The following SYNPO2 variants were observed in gnomAD, a reference collection of about 807,000 sequenced individuals.
SYNPO2 encodes synaptopodin 2, also known as synaptopodin-2.
In SYNPO2, 56 loss-of-function variants were observed where a neutral mutation model predicts 85.0. The observed-to-expected ratio is 0.66, with a 90% CI of 0.53 to 0.82. The LOEUF (loss-of-function observed/expected upper bound fraction) is 0.82. Among genes scored for constraint, SYNPO2 ranks in the 40% least tolerant of loss-of-function variants. The pLI is 0.00. For synonymous variants in SYNPO2, 602 were observed against 591.1 expected, an observed-to-expected ratio of 1.02 and a Z score of -0.27; for missense variants, 1,575 against 1,534.2, an observed-to-expected ratio of 1.03 and a Z score of -0.44.
rs1731551759 is a variant in SYNPO2 at position 118,858,551 on chromosome 4, GAC to G, written c.12+7615_12+7616del. On this transcript the variant is annotated intron_variant, in intron 1 of 4. Transcript: ENST00000610556. ...TGCCACTCCAGGATGTAGGCCTAAA[GAC>G]ACAGAACAACAGGGGTAAATCAGAG... Among the ~76,000 whole-genome samples the G allele has an allele frequency of 4.6e-5, 7 of 152,206 alleles. No individual in the cohort carries two copies. In the South Asian group the frequency reaches 1.5e-3, roughly 32 times the overall value.
intron 4 of SYNPO2, among the ~76,000 whole-genome samples, chr4:119,053,509 A>G (rs746388597): frequency 1.3e-5 from 2 of 152,068 alleles, no homozygotes; most frequent in South Asian, 2.1e-4. Flanking sequence ...CTGCTGTTAC[A>G]TTTGTCATAT....
intron 4 of SYNPO2, chr4:119,038,612 C>A: frequency 1.1e-6 from 1 of 946,080 alleles, no homozygotes; most frequent in Non-Finnish European, 1.3e-6. Flanking sequence ...GCATGGCTTG[C>A]TACTAAACCA....
intron 2 of SYNPO2, among the ~76,000 whole-genome samples, chr4:119,026,075 C>T (rs1322074616): frequency 6.6e-6 from 1 of 152,180 alleles, no homozygotes; most frequent in African/African-American, 2.4e-5. Context: ...CGCAAGAGTA[C>T]TGGGCTGGGT....
At chr4:118,998,441 G>A (rs574098416) in intron 1 of SYNPO2, among the ~76,000 whole-genome samples, 7 of 152,274 alleles carry the variant, frequency 4.6e-5, no homozygotes, top group African/African-American at 1.4e-4. Flanking sequence ...AATTAATCAT[G>A]AAAACTTTAA....
At chr4:118,903,270 A>G (rs1732819527) in intron 1 of SYNPO2, among the ~76,000 whole-genome samples, 1 of 152,226 alleles carries the variant, frequency 6.6e-6, no homozygotes, top group Non-Finnish European at 1.5e-5. Flanking sequence ...CAGGCACAGT[A>G]AAACATAATA....
In SYNPO2 at chr4:119,028,222, G is replaced by T. The variant is rs1287125484; in HGVS notation, c.1069+784G>T. 8.9e-4 allele frequency among the ~76,000 whole-genome samples: 120 copies of T among 135,456 alleles called. 1 individual carries two copies. Among genetic ancestry groups the T allele is most frequent in the African/African-American group, 2.5e-3 (94 of 36,944 alleles). The allele number at this position is 135,456 out of a possible 152,430, so 88.9% of individuals were successfully genotyped here. A position where few individuals can be genotyped will look rare whatever the true frequency, so the allele number is the denominator to read the frequency against. ...TTTTATTTCACGTTTATTTTTGTTT[G>T]TTTTTTTTTTTTTTTTTACTAATTT... On this transcript the variant is annotated intron_variant, in intron 3 of 4. Transcript: ENST00000307142.
chr4:118,962,422 G>A (rs1026449838), intron 1 of SYNPO2, among the ~76,000 whole-genome samples: 7 of 152,028 alleles, frequency 4.6e-5, no homozygotes, highest in African/African-American at 1.7e-4. Context: ...TAGCGATAAC[G>A]GGTACCTACA....
intron 1 of SYNPO2, among the ~76,000 whole-genome samples, chr4:118,911,484 T>C (rs191912475): frequency 6.6e-6 from 1 of 152,224 alleles, no homozygotes; most frequent in Admixed American, 6.5e-5. Context: ...GCAGCTGGAG[T>C]GGAAATACCA....
chr4:118,876,396 C>T (rs142821280), intron 1 of SYNPO2, among the ~76,000 whole-genome samples: 142 of 152,286 alleles, frequency 9.3e-4, no homozygotes, highest in African/African-American at 3.2e-3. Context: ...ACTCCCATCG[C>T]GCTCTGCCAT....
At position 119,031,372 on chromosome 4, in the gene SYNPO2, C is replaced by T. The variant is rs745975778; in HGVS notation, c.2597C>T (p.Pro866Leu). 19 of 1,614,008 alleles carry T rather than the reference C, an allele frequency of 1.2e-5. No homozygotes were observed. In the Middle Eastern group the frequency reaches 4.9e-4, roughly 42 times the overall value. ...PGAVGPSNEL[P>L]GMSGRGAQLF... Reference sequence around the variant, plus strand: ...GCAGTGGGACCATCCAATGAGCTTCCAGGAATGAGTGGGAGAGGAGCTCAG... The same window carrying T: ...GCAGTGGGACCATCCAATGAGCTTCTAGGAATGAGTGGGAGAGGAGCTCAG... The change falls in exon 4 of 5, where the codon CCA becomes CTA. Residue 866 changes from proline to leucine, a missense_variant. Pro to Leu is a moderately conservative substitution (Grantham distance 98). Around this residue, in one of 3 missense-constraint regions of SYNPO2, gnomAD observed 1,508 missense variants for 1,446.8 expected, o/e 1.04. Coordinates refer to ENST00000307142, the MANE Select transcript of SYNPO2 (RefSeq NM_133477.3).
At chr4:118,869,749 A>G (rs1731769421) in intron 1 of SYNPO2, among the ~76,000 whole-genome samples, 2 of 152,214 alleles carry the variant, frequency 1.3e-5, no homozygotes, top group Admixed American at 1.3e-4. Context: ...TTTGTCAGCA[A>G]ATATTTTTGA....
intron 3 of SYNPO2, among the ~76,000 whole-genome samples, chr4:119,029,354 A>G (rs1433614470): frequency 6.6e-6 from 1 of 152,178 alleles, no homozygotes. Flanking sequence ...ACATTAAAAC[A>G]TTTAGAAAAT....
At chr4:118,996,835 T>C (rs921664094) in intron 1 of SYNPO2, among the ~76,000 whole-genome samples, 141 of 127,380 alleles carry the variant, frequency 1.1e-3, no homozygotes, top group East Asian at 4.2e-3. Context: ...CCAGCCTGGG[T>C]GACAGAGTGA....
chr4:119,045,100 G>T (rs9884982), intron 4 of SYNPO2, among the ~76,000 whole-genome samples: 6 of 152,162 alleles, frequency 3.9e-5, no homozygotes, highest in Non-Finnish European at 8.8e-5. Flanking sequence ...TAACTGATAA[G>T]ATTTTTCTCT....
chr4:118,908,908 G>C (rs749894617), intron 1 of SYNPO2, among the ~76,000 whole-genome samples: 1 of 152,104 alleles, frequency 6.6e-6, no homozygotes, highest in African/African-American at 2.4e-5. Context: ...ATTGCTTAAA[G>C]ATTCCTGACC....
chr4:118,975,572 G>A (rs1022012882), intron 1 of SYNPO2, among the ~76,000 whole-genome samples: 5 of 152,170 alleles, frequency 3.3e-5, no homozygotes, highest in African/African-American at 9.7e-5. Context: ...CCAGGAAGGA[G>A]GAGGAGGTGC....
At chr4:119,039,973 G>A (rs967186524) in intron 4 of SYNPO2, among the ~76,000 whole-genome samples, 2 of 152,284 alleles carry the variant, frequency 1.3e-5, no homozygotes, top group East Asian at 3.9e-4. Flanking sequence ...TGAGTCCCAG[G>A]CCTGCCTCCT....
chr4:119,041,820 TCCCCACCTTAGAGATAG>T (rs1414460768), intron 4 of SYNPO2, among the ~76,000 whole-genome samples: 4 of 152,172 alleles, frequency 2.6e-5, no homozygotes, highest in Non-Finnish European at 4.4e-5. Context: ...AATTAAGATT[TCCCCACCTTAGAGATAG>T]CCCCACCTTA....
At chr4:118,915,195 T>C (rs1354008426) in intron 1 of SYNPO2, among the ~76,000 whole-genome samples, 1 of 152,100 alleles carries the variant, frequency 6.6e-6, no homozygotes, top group Non-Finnish European at 1.5e-5. Flanking sequence ...AAATTATTTC[T>C]AATAATATCA....
Sources: gnomAD v4.1 joint callset for allele counts (sites outside exome capture counted in the v4.1 genomes callset) on GRCh38, gnomAD v4.1.1 for gene constraint, gnomAD v4.1.1 regional missense constraint, MANE v1.5 for transcripts, NCBI Gene and HGNC (gene_info 2026-07-23, HGNC 2026-07-21) for gene names.